Variants in DOCK2 observed in about 807,000 individuals in gnomAD.
The protein encoded by DOCK2 is dedicator of cytokinesis 2, also known as dedicator of cytokinesis protein 2.
DOCK2 carries 87 observed loss-of-function variants against 248.9 expected under a neutral mutation model. The ratio of observed to expected loss-of-function variants is 0.35; its 90% CI spans 0.29 to 0.42. DOCK2 has a LOEUF of 0.42. Among genes scored for constraint, DOCK2 ranks in the 10% least tolerant of loss-of-function variants. The pLI is 1.00. For missense variants in DOCK2, 1,747 were observed against 2,300.2 expected, an observed-to-expected ratio of 0.76 and a Z score of 4.92; for synonymous variants, 805 against 821.6, an observed-to-expected ratio of 0.98 and a Z score of 0.35.
In DOCK2 at chr5:169,723,445, A is replaced by G. The variant is rs561342722; in HGVS notation, c.2267+4654A>G. Among the ~76,000 whole-genome samples, 44 of 152,280 alleles carry G rather than the reference A, an allele frequency of 2.9e-4. 2 individuals are homozygous for G. The South Asian group carries it at 8.5e-3, about 29-fold the overall frequency. On this transcript the variant is annotated intron_variant, in intron 22 of 51. Coordinates refer to ENST00000520908, the MANE Select transcript of DOCK2 (RefSeq NM_004946.3). Reference sequence around the variant, plus strand: ...TTGGTGTACAGACTAAGTGAGCCCAATGGATGTAAGGTACTTACTTAGCAC... The same window carrying G: ...TTGGTGTACAGACTAAGTGAGCCCAGTGGATGTAAGGTACTTACTTAGCAC...
chr5:170,056,621 T>A, intron 42 of DOCK2, 63 bp from the exon 43 acceptor site: 1 of 1,390,392 alleles, frequency 7.2e-7, no homozygotes, highest in Non-Finnish European at 1.0e-6. Flanking sequence ...CAGTGCAGGG[T>A]CAGATCGGGT....
intron 2 of DOCK2, among the ~76,000 whole-genome samples, chr5:169,657,227 AG>A (rs952689946): frequency 2.0e-4 from 30 of 152,030 alleles, no homozygotes; most frequent in Non-Finnish European, 3.7e-4. Flanking sequence ...ATGGAGCTGG[AG>A]GGGGTCTGAG....
At chr5:169,907,554 A>T (rs1452413935) in intron 27 of DOCK2, among the ~76,000 whole-genome samples, 1 of 152,248 alleles carries the variant, frequency 6.6e-6, no homozygotes, top group Non-Finnish European at 1.5e-5. Flanking sequence ...ATAGTGGCAG[A>T]GGCTTTACAG....
chr5:170,060,191 T>C (rs939818850), intron 44 of DOCK2, among the ~76,000 whole-genome samples: 2 of 152,182 alleles, frequency 1.3e-5, no homozygotes, highest in African/African-American at 4.8e-5. Context: ...ATGGAGACTT[T>C]ACAAGGAGCC....
At position 170,008,504 on chromosome 5, in the gene DOCK2, A is replaced by G. The variant is rs1411116656; in HGVS notation, c.3080A>G (p.Asn1027Ser). The G allele has an allele frequency of 1.2e-6, 2 of 1,614,146 alleles. No individual in the cohort carries two copies. Among genetic ancestry groups the G allele is most frequent in the East Asian group, 2.2e-5 (1 of 44,888 alleles). Residue 1027 changes from asparagine (N) to serine (S), a missense_variant, in exon 31 of 52, where the codon AAC becomes AGC. Physicochemically the swap from Asn to Ser is conservative, Grantham distance 46. Transcript: ENST00000520908. Reference sequence around the variant, plus strand: ...CTGCTCTTTCATTTACAGCTGTGGAACAACTATTTTCATCTGGCAGTGGCT... The same window carrying G: ...CTGCTCTTTCATTTACAGCTGTGGAGCAACTATTTTCATCTGGCAGTGGCT... The part of the protein sequence containing the change: ...EHTNFEFQLW[N>S]NYFHLAVAFI...
chr5:169,848,283 G>A (rs955740563), intron 27 of DOCK2, among the ~76,000 whole-genome samples: 1 of 152,238 alleles, frequency 6.6e-6, no homozygotes, highest in Non-Finnish European at 1.5e-5. Context: ...TTGAGCAGCA[G>A]AGGATGAAAG....
rs1272697459 is a variant in DOCK2, at chr5:169,764,644, T to C, written c.2554+3019T>C. On this transcript the variant is annotated intron_variant, in intron 25 of 51. Coordinates refer to ENST00000520908, the MANE Select transcript of DOCK2 (RefSeq NM_004946.3). This position sits in a 1 kb window ranked among gnomAD's most constrained non-coding sequence, Gnocchi z 4.3. ...TCATACTAAACAGCAATTGTTATTATTGGTGTTGTGGTTGTTTTTCCTGCT... is the reference window on the plus strand; with the variant it reads ...TCATACTAAACAGCAATTGTTATTACTGGTGTTGTGGTTGTTTTTCCTGCT... 6.6e-6 allele frequency among the ~76,000 whole-genome samples: 1 copy of C among 152,218 alleles called. No homozygotes were observed. The highest frequency in any genetic ancestry group is 6.5e-5 in the Admixed American group (1 of 15,292).
At chr5:169,818,325 A>G (rs1318401433) in intron 26 of DOCK2, among the ~76,000 whole-genome samples, 1 of 152,240 alleles carries the variant, frequency 6.6e-6, no homozygotes, top group Non-Finnish European at 1.5e-5. Context: ...GTTCACTGCC[A>G]TATCCTAGCA....
intron 27 of DOCK2, among the ~76,000 whole-genome samples, chr5:169,858,376 C>A (rs1771006499): frequency 6.6e-6 from 1 of 152,092 alleles, no homozygotes; most frequent in African/African-American, 2.4e-5. Context: ...ACCTGGGAAA[C>A]CCCAACAGAG....
chr5:170,030,704 T>C (rs923075809), intron 34 of DOCK2, among the ~76,000 whole-genome samples: 6 of 152,352 alleles, frequency 3.9e-5, no homozygotes, highest in African/African-American at 1.4e-4. Flanking sequence ...ACAGTCAATT[T>C]GTATTACTTA....
chr5:169,648,728 A>T (rs1757624725), intron 1 of DOCK2, among the ~76,000 whole-genome samples: 1 of 152,188 alleles, frequency 6.6e-6, no homozygotes, highest in Non-Finnish European at 1.5e-5. Context: ...CACCCACCCC[A>T]AGAACTGCAG....
At chr5:169,949,310 T>C (rs572493439) in intron 27 of DOCK2, among the ~76,000 whole-genome samples, 1 of 152,182 alleles carries the variant, frequency 6.6e-6, no homozygotes, top group South Asian at 2.1e-4. Flanking sequence ...ATCATAATAA[T>C]GTGGACAGAA....
rs139161352 is a variant in DOCK2 at position 169,995,636 on chromosome 5, A to G, written c.2994-450A>G. 3.5e-3 allele frequency among the ~76,000 whole-genome samples: 535 copies of G among 152,374 alleles called. 3 individuals carry two copies. The Middle Eastern group carries it at 0.041, about 12-fold the overall frequency. ...CATTTGTTGTTTAGCCCCATTTATC[A>G]AAATGATACCCTGAAAATATCATTC... On this transcript the variant is annotated intron_variant, in intron 29 of 51. Coordinates refer to ENST00000520908, the MANE Select transcript of DOCK2 (RefSeq NM_004946.3).
At chr5:169,877,151 G>A (rs1409883852) in intron 27 of DOCK2, among the ~76,000 whole-genome samples, 1 of 152,150 alleles carries the variant, frequency 6.6e-6, no homozygotes, top group Admixed American at 6.6e-5. Context: ...GAAAGCAAAG[G>A]AACTTATGTA....
chr5:169,941,770 C>T lies in DOCK2; in HGVS notation c.2800-41298C>T, dbSNP rs150588746. Among the ~76,000 whole-genome samples, 530 of 152,242 alleles carry T rather than the reference C, an allele frequency of 3.5e-3. 5 individuals are homozygous for T. The South Asian group carries it at 0.043, about 12-fold the overall frequency. On this transcript the variant is annotated intron_variant, in intron 27 of 51. Coordinates refer to ENST00000520908, the MANE Select transcript of DOCK2 (RefSeq NM_004946.3). ...GTGGCCCTAGGGAACCAGCAGACAT[C>T]GAATACCACACGCTTTCTTGCATTG...
At position 169,934,963 on chromosome 5, in the gene DOCK2, A is replaced by G. The variant is rs376075314; in HGVS notation, c.2800-48105A>G. ...AAGTGATTGTGCTATGCTGGATACAATATCAGCTAGAATGCAAACGTTAGC... is the reference window on the plus strand; with the variant it reads ...AAGTGATTGTGCTATGCTGGATACAGTATCAGCTAGAATGCAAACGTTAGC... On this transcript the variant is annotated intron_variant, in intron 27 of 51. Coordinates refer to ENST00000520908, the MANE Select transcript of DOCK2 (RefSeq NM_004946.3). 1.4e-4 allele frequency: 36 copies of G among 263,892 alleles called. No individual in the cohort carries two copies. In the East Asian group the frequency reaches 3.8e-3, roughly 28 times the overall value. 16.3% of individuals were successfully genotyped at this position (263,892 alleles called of 1,614,324 possible).
At chr5:169,904,705 G>A (rs747880545) in intron 27 of DOCK2, among the ~76,000 whole-genome samples, 14 of 152,282 alleles carry the variant, frequency 9.2e-5, no homozygotes, top group East Asian at 1.9e-4. Flanking sequence ...GACAGATACC[G>A]AGGGTGGCCT....
At chr5:170,036,233 A>C (rs2113838862) in intron 35 of DOCK2, among the ~76,000 whole-genome samples, 1 of 152,292 alleles carries the variant, frequency 6.6e-6, no homozygotes, top group East Asian at 1.9e-4. Context: ...TCAATGCAGC[A>C]AAACACTGAA....
chr5:169,666,500 C>A (rs1561581339), intron 2 of DOCK2, among the ~76,000 whole-genome samples: 1 of 152,176 alleles, frequency 6.6e-6, no homozygotes, highest in African/African-American at 2.4e-5. Flanking sequence ...CCATGTTACA[C>A]TGAGCCTGCT....
Sources: allele counts gnomAD v4.1 joint callset (sites outside exome capture counted in the v4.1 genomes callset), GRCh38; gene constraint gnomAD v4.1.1; non-coding constraint Gnocchi (gnomAD v3.1); transcripts MANE v1.5; gene names NCBI Gene and HGNC (gene_info 2026-07-23, HGNC 2026-07-21).